Variants in NAMPT observed in about 807,000 individuals in gnomAD.
NAMPT encodes NAmPRTase.
In NAMPT, 7 loss-of-function variants were observed where a neutral mutation model predicts 58.7. The observed-to-expected ratio is 0.12, with a 90% CI of 0.07 to 0.22. The LOEUF is 0.22. Ranked by LOEUF, NAMPT falls within the 10% of genes least tolerant of loss-of-function variation. NAMPT has a pLI of 1.00. For synonymous variants in NAMPT, 145 were observed against 198.1 expected (o/e 0.73, Z 2.25); for missense variants, 271 against 567.9 (o/e 0.48, Z 5.31).
chr7:106,285,180 G>T, upstream of NAMPT: 2 of 1,226,344 alleles, frequency 1.6e-6, no homozygotes, highest in Non-Finnish European at 2.0e-6. Flanking sequence ...GAGAAAGGGC[G>T]GGGCGCGGCA....
chr7:106,270,353 C>T (rs1193788391), intron 4 of NAMPT: 2 of 322,636 alleles, frequency 6.2e-6, no homozygotes, highest in African/African-American at 2.2e-5. Flanking sequence ...AAGATATTAA[C>T]TAAATTTTAC....
At chr7:106,253,902 G>C (rs1266547937) in intron 9 of NAMPT, among the ~76,000 whole-genome samples, 2 of 152,112 alleles carry the variant, frequency 1.3e-5, no homozygotes, top group Non-Finnish European at 2.9e-5. Context: ...AAAGAAGCAA[G>C]GGGGGTTGTT....
rs1562809605 is a variant in NAMPT, at chr7:106,248,670, TA to T, written c.*2412del. The T allele has an allele frequency of 6.6e-6, 1 of 152,100 alleles. No homozygotes were observed. 9.4% of individuals were successfully genotyped at this position (152,100 alleles called of 1,614,324 possible). A position where few individuals can be genotyped will look rare whatever the true frequency, so the allele number is the denominator to read the frequency against. On this transcript the variant is annotated 3_prime_UTR_variant, in exon 11 of 11. Coordinates refer to ENST00000222553, the MANE Select transcript of NAMPT (RefSeq NM_005746.3). ...TTTAAGATATAAATACTTGATGATA[TA>T]ATCAATCAAGAGGGATTAATTAATG... is the stretch of plus-strand genomic sequence containing the variant.
rs1586008348 is a variant in NAMPT, at chr7:106,250,908, T to C, written c.*175A>G. 8.3e-6 allele frequency: 5 copies of C among 600,264 alleles called. No homozygotes were observed. The East Asian group carries it at 1.2e-4, about 14-fold the overall frequency. The allele number at this position is 600,264 out of a possible 1,614,324, so 37.2% of individuals were successfully genotyped here. On this transcript the variant is annotated 3_prime_UTR_variant, in exon 11 of 11. Coordinates refer to ENST00000222553, the MANE Select transcript of NAMPT (RefSeq NM_005746.3). ...AGCACTCATCTTTTACATGGTTAAA[T>C]GCATTTCCTAATTTGAGATCACCTA...
intron 3 of NAMPT, among the ~76,000 whole-genome samples, chr7:106,274,548 T>C (rs1271760502): frequency 6.6e-6 from 1 of 152,138 alleles, no homozygotes; most frequent in Non-Finnish European, 1.5e-5. Flanking sequence ...ACTGTAATGA[T>C]ACTCTAATCT....
At chr7:106,264,284 AT>A (rs1489067931) in intron 6 of NAMPT, among the ~76,000 whole-genome samples, 5 of 152,106 alleles carry the variant, frequency 3.3e-5, no homozygotes, top group Non-Finnish European at 5.9e-5. Flanking sequence ...GCAAAACATA[AT>A]TAAGATGGAA....
chr7:106,285,579 C>T, upstream of NAMPT: 2 of 985,986 alleles, frequency 2.0e-6, no homozygotes, highest in Non-Finnish European at 2.4e-6. Context: ...AGCCTTTCGC[C>T]TCCATCCCTC....
chr7:106,267,855 A>C lies in NAMPT; in HGVS notation c.743+609T>G, dbSNP rs990420450. Among the ~76,000 whole-genome samples, 187 of 121,542 alleles carry C rather than the reference A, an allele frequency of 1.5e-3. 2 individuals carry two copies. The highest frequency in any genetic ancestry group is 5.4e-3 in the African/African-American group (179 of 33,450). The allele number at this position is 121,542 out of a possible 152,430, so 79.7% of individuals were successfully genotyped here. On this transcript the variant is annotated intron_variant, in intron 6 of 10. Coordinates refer to ENST00000222553, the MANE Select transcript of NAMPT (RefSeq NM_005746.3). Reference sequence around the variant, plus strand: ...GACTCCGTCTCAAAAAAAAAAAAAAAAAAAAAAAAAAAAAAAAAAAACAAC... The same window carrying C: ...GACTCCGTCTCAAAAAAAAAAAAAACAAAAAAAAAAAAAAAAAAAAACAAC...
At chr7:106,285,005 G>T, upstream of NAMPT, 2 of 1,455,644 alleles carry the variant, frequency 1.4e-6, no homozygotes, top group African/African-American at 1.4e-5. Flanking sequence ...GGAGGAGGGG[G>T]AGAGGGGGAA....
chr7:106,285,194 CG>C (rs932170351), upstream of NAMPT: 48 of 1,208,564 alleles, frequency 4.0e-5, 1 homozygote, highest in Non-Finnish European at 4.1e-5. Context: ...CGCGGCAGCG[CG>C]CTGCGCAGTG....
intron 3 of NAMPT, 125 bp from the exon 4 acceptor site, chr7:106,272,783 T>C (rs1256644247): frequency 1.0e-6 from 1 of 960,084 alleles, no homozygotes; most frequent in South Asian, 1.6e-5. Flanking sequence ...CAATTGTAGA[T>C]GTTACTGTAA....
At chr7:106,257,779 A>G (rs557264184) in intron 8 of NAMPT, among the ~76,000 whole-genome samples, 2 of 152,376 alleles carry the variant, frequency 1.3e-5, no homozygotes, top group South Asian at 4.1e-4. Flanking sequence ...TTGCCTGAAC[A>G]ATCCAACAGC....
At chr7:106,254,662 C>A (rs947888686) in intron 8 of NAMPT, among the ~76,000 whole-genome samples, 158 bp from the exon 9 acceptor site, 1 of 152,058 alleles carries the variant, frequency 6.6e-6, no homozygotes, top group Non-Finnish European at 1.5e-5. Flanking sequence ...TAAAGACCCA[C>A]CCACCCCCAA....
Position 106,250,152 on chromosome 7 carries a change from C to A in NAMPT, c.*931G>T, listed in dbSNP as rs1234258419. The A allele has an allele frequency of 6.6e-6, 1 of 152,360 alleles. No homozygotes were observed. The highest frequency in any genetic ancestry group is 1.5e-5 in the Non-Finnish European group (1 of 67,924). 9.4% of individuals were successfully genotyped at this position (152,360 alleles called of 1,614,324 possible). A position where few individuals can be genotyped will look rare whatever the true frequency, so the allele number is the denominator to read the frequency against. ...CTCCAGTAATTCATTTAAGTCATAC[C>A]AACTATAGAATATGAAAAATAAATT... On this transcript the variant is annotated 3_prime_UTR_variant, in exon 11 of 11. Transcript: ENST00000222553.
At chr7:106,263,352 C>CA (rs1245042344) in intron 7 of NAMPT, 40 bp downstream of exon 7, 1 of 1,423,918 alleles carries the variant, frequency 7.0e-7, no homozygotes, top group African/African-American at 1.4e-5. Flanking sequence ...AGCTGGCCTA[C>CA]AGAGGGATTC....
At position 106,250,101 on chromosome 7, in the gene NAMPT, A is replaced by T. The variant is rs1381454188; in HGVS notation, c.*982T>A. On this transcript the variant is annotated 3_prime_UTR_variant, in exon 11 of 11. Transcript: ENST00000222553. Reference sequence around the variant, plus strand: ...CTTAATAAAAAATATAACAGAATTGAAACATTTAAGTACACTCACTACCCA... The same window carrying T: ...CTTAATAAAAAATATAACAGAATTGTAACATTTAAGTACACTCACTACCCA... 7.2e-5 allele frequency: 11 copies of T among 152,520 alleles called. No homozygotes were observed. Among genetic ancestry groups the T allele is most frequent in the African/African-American group, 1.7e-4 (7 of 41,438 alleles). The allele number at this position is 152,520 out of a possible 1,614,324, so 9.4% of individuals were successfully genotyped here.
At position 106,253,083 on chromosome 7, in the gene NAMPT, A is replaced by C. The variant is rs532984034; in HGVS notation, c.1299T>G (p.His433Gln). ...KRSKKGRLSLHRTPAGNFVTL... is the reference protein window; with the variant it reads ...KRSKKGRLSLQRTPAGNFVTL... ...TAACAAAATTCCCTGCTGGCGTCCT[A>C]TGTAAAGATAATCGGCCCTTTTTGG... The change falls in exon 10 of 11, where the codon CAT becomes CAG. Residue 433 changes from histidine (H) to glutamine (Q), a missense_variant. By Grantham distance (24) the His-to-Gln change is conservative (BLOSUM62 0). This residue lies in a region of NAMPT where 143 missense variants were observed against 331.1 expected (regional missense o/e 0.43). Coordinates refer to ENST00000222553, the MANE Select transcript of NAMPT (RefSeq NM_005746.3). The C allele has an allele frequency of 6.2e-7, 1 of 1,613,430 alleles. No individual in the cohort carries two copies. Among genetic ancestry groups the C allele is most frequent in the South Asian group, 1.1e-5 (1 of 91,064 alleles).
chr7:106,267,409 A>G (rs1238405903), intron 6 of NAMPT, among the ~76,000 whole-genome samples: 1 of 152,176 alleles, frequency 6.6e-6, no homozygotes, highest in African/African-American at 2.4e-5. Flanking sequence ...GCAACAATAA[A>G]GCTTAGCTTG....
At chr7:106,252,144 T>C (rs943952018) in intron 10 of NAMPT, among the ~76,000 whole-genome samples, 1 of 152,114 alleles carries the variant, frequency 6.6e-6, no homozygotes, top group Non-Finnish European at 1.5e-5. Flanking sequence ...TACTCTTAAA[T>C]CAGTGTCTTT....
Sources: allele counts gnomAD v4.1 joint callset (sites outside exome capture counted in the v4.1 genomes callset), GRCh38; gene constraint gnomAD v4.1.1; regional missense constraint gnomAD v4.1.1; transcripts MANE v1.5; gene names NCBI Gene and HGNC (gene_info 2026-07-23, HGNC 2026-07-21).